The following SLC71A2 variants were observed in gnomAD, a reference collection of about 807,000 sequenced individuals.
SLC71A2 encodes solute carrier family 71 member 2.
At chr9:94,456,293 C>T in the SLC71A2 span, 1 of 1,614,124 alleles carries the variant, frequency 6.2e-7, no homozygotes, top group Non-Finnish European at 8.5e-7. Flanking sequence ...ACGTTTCCGG[C>T]AATCAGTGCC....
chr9:94,459,563 C>A, the SLC71A2 span: 2 of 611,792 alleles, frequency 3.3e-6, no homozygotes, highest in Non-Finnish European at 5.1e-6. Context: ...TTCTGCTCAT[C>A]CTCCTCCTGT....
chr9:94,455,258 T>C, the SLC71A2 span, among the ~76,000 whole-genome samples: 8 of 147,596 alleles, frequency 5.4e-5, no homozygotes, highest in East Asian at 1.6e-3. Flanking sequence ...ACAGCCTTGC[T>C]GCCAGCCTCA....
the SLC71A2 span, among the ~76,000 whole-genome samples, chr9:94,387,290 G>A: frequency 6.6e-6 from 1 of 152,074 alleles, no homozygotes; most frequent in African/African-American, 2.4e-5. Flanking sequence ...TGTTCTACTA[G>A]AAATCATATT....
chr9:94,397,015 CT>C, the SLC71A2 span, among the ~76,000 whole-genome samples: 4 of 152,340 alleles, frequency 2.6e-5, no homozygotes, highest in Admixed American at 1.3e-4. Context: ...GGTGATCCAC[CT>C]GCCTCAGCCT....
chr9:94,451,991 G>GCA, the SLC71A2 span, among the ~76,000 whole-genome samples: 3 of 152,158 alleles, frequency 2.0e-5, no homozygotes, highest in Admixed American at 2.0e-4. Context: ...TGCTCCCCTT[G>GCA]CACCAGCATC....
chr9:94,445,089 C>T, the SLC71A2 span: 3 of 1,614,226 alleles, frequency 1.9e-6, no homozygotes, highest in Non-Finnish European at 2.5e-6. Flanking sequence ...ACATCTGCTT[C>T]ATCTTAGTGG....
chr9:94,451,375 TTA>T, the SLC71A2 span: 5 of 695,082 alleles, frequency 7.2e-6, no homozygotes, highest in Admixed American at 1.9e-4. Context: ...TTTCCTAGAC[TTA>T]TCATTGTAAT....
At chr9:94,429,150 A>C in the SLC71A2 span, 1 of 1,606,672 alleles carries the variant, frequency 6.2e-7, no homozygotes, top group Non-Finnish European at 8.5e-7. Flanking sequence ...CCTTTAACTT[A>C]AATTTGAATT....
the SLC71A2 span, among the ~76,000 whole-genome samples, chr9:94,401,890 A>C: frequency 6.6e-6 from 1 of 152,314 alleles, no homozygotes; most frequent in East Asian, 1.9e-4. Flanking sequence ...GCTGGTGCCC[A>C]TTTTTATGGC....
At chr9:94,402,126 C>A in the SLC71A2 span, among the ~76,000 whole-genome samples, 3,434 of 152,210 alleles carry the variant, frequency 0.023, 130 homozygotes, top group African/African-American at 0.078. Flanking sequence ...GTCTTTATGA[C>A]CTGTATCTTG....
the SLC71A2 span, among the ~76,000 whole-genome samples, chr9:94,406,466 C>T: frequency 6.6e-6 from 1 of 152,214 alleles, no homozygotes; most frequent in Non-Finnish European, 1.5e-5. Context: ...CTCAAACTCC[C>T]AACCTCACAT....
chr9:94,408,831 G>GT, the SLC71A2 span, among the ~76,000 whole-genome samples: 2,255 of 99,658 alleles, frequency 0.023, 87 homozygotes, highest in African/African-American at 0.092. Context: ...TTTTTTGTTT[G>GT]TTTGTTTTTT....
At chr9:94,456,285 G>T in the SLC71A2 span, 1 of 1,614,104 alleles carries the variant, frequency 6.2e-7, no homozygotes, top group Non-Finnish European at 8.5e-7. Context: ...CCAGCATCAC[G>T]TTTCCGGCAA....
At chr9:94,414,792 T>C in the SLC71A2 span, among the ~76,000 whole-genome samples, 1 of 152,130 alleles carries the variant, frequency 6.6e-6, no homozygotes, top group African/African-American at 2.4e-5. Flanking sequence ...CCCAAGTAGC[T>C]GGGACCAAGT....
the SLC71A2 span, among the ~76,000 whole-genome samples, chr9:94,399,139 T>C: frequency 6.6e-6 from 1 of 152,172 alleles, no homozygotes; most frequent in African/African-American, 2.4e-5. Flanking sequence ...TTTTAACATT[T>C]AACTTAACTA....
chr9:94,459,418 G>A, the SLC71A2 span: 1 of 1,613,092 alleles, frequency 6.2e-7, no homozygotes, highest in Non-Finnish European at 8.5e-7. Flanking sequence ...TGTAAACTCG[G>A]CAGAAAGTGG....
the SLC71A2 span, chr9:94,460,924 CTT>C: frequency 1.5e-5 from 2 of 137,630 alleles, no homozygotes; most frequent in African/African-American, 5.1e-5. Flanking sequence ...ACTTTTATGT[CTT>C]GTGTCTTTTT....
the SLC71A2 span, among the ~76,000 whole-genome samples, chr9:94,379,426 C>A: frequency 7.8e-6 from 1 of 128,992 alleles, no homozygotes; most frequent in Non-Finnish European, 1.7e-5. Flanking sequence ...CTCACTCTGT[C>A]ATCCAGGCTG....
At chr9:94,387,392 A>G in the SLC71A2 span, among the ~76,000 whole-genome samples, 35 of 151,934 alleles carry the variant, frequency 2.3e-4, no homozygotes, top group Non-Finnish European at 5.9e-5. Flanking sequence ...TTTAAATTTA[A>G]TCTTCTTAAT....
Sources: gnomAD v4.1 joint callset for allele counts (sites outside exome capture counted in the v4.1 genomes callset) on GRCh38, gnomAD v4.1.1 for gene constraint, MANE v1.5 for transcripts, NCBI Gene and HGNC (gene_info 2026-07-23, HGNC 2026-07-21) for gene names.